SGK3: variants seen among roughly 807,000 people sequenced by gnomAD.
SGK3 encodes the protein serum/glucocorticoid regulated kinase family member 3, also known as serine/threonine-protein kinase Sgk3.
In SGK3, 47 loss-of-function variants were observed where a neutral mutation model predicts 68.5. That is an observed-to-expected ratio of 0.69 (90% confidence interval 0.54 to 0.87). SGK3 has a LOEUF of 0.87. Among genes scored for constraint, SGK3 ranks in the 40% least tolerant of loss-of-function variants. The pLI is 0.00. For synonymous variants in SGK3, 181 were observed against 189.1 expected, an observed-to-expected ratio of 0.96 and a Z score of 0.35; for missense variants, 479 against 575.5, an observed-to-expected ratio of 0.83 and a Z score of 1.72.
intron 8 of SGK3, among the ~76,000 whole-genome samples, chr8:66,833,668 T>C (rs1487129769): frequency 6.6e-6 from 1 of 152,206 alleles, no homozygotes; most frequent in African/African-American, 2.4e-5. Context: ...CTTTAATTTT[T>C]CCCAATACTA....
intron 1 of SGK3, among the ~76,000 whole-genome samples, chr8:66,787,476 G>T (rs563485326): frequency 3.1e-4 from 47 of 152,328 alleles, no homozygotes; most frequent in Non-Finnish European, 3.1e-4. Flanking sequence ...CCCCCTGTGG[G>T]ATGGTGGGAT....
At chr8:66,812,373 A>G (rs1414904808) in intron 4 of SGK3, among the ~76,000 whole-genome samples, 1 of 152,084 alleles carries the variant, frequency 6.6e-6, no homozygotes, top group Non-Finnish European at 1.5e-5. Context: ...CCTGGCTAAC[A>G]TGATGAAACC....
chr8:66,726,497 G>T (rs776600334), intron 1 of SGK3, among the ~76,000 whole-genome samples: 36 of 152,112 alleles, frequency 2.4e-4, no homozygotes, highest in Non-Finnish European at 4.4e-4. Flanking sequence ...GTGGTTAAAT[G>T]AGCTTGAAAA....
chr8:66,809,332 A>T (rs181897515), intron 4 of SGK3, among the ~76,000 whole-genome samples: 1 of 152,318 alleles, frequency 6.6e-6, no homozygotes, highest in African/African-American at 2.4e-5. Context: ...GTGATCCCAG[A>T]TCTGGGGCAG....
chr8:66,779,561 AATATAT>A (rs200618083), intron 1 of SGK3, among the ~76,000 whole-genome samples: 4,779 of 89,262 alleles, frequency 0.054, 115 homozygotes, highest in African/African-American at 0.08. Context: ...TATGTGTGTG[AATATAT>A]ATATATATAT....
chr8:66,777,570 C>T (rs1371027680), intron 1 of SGK3, among the ~76,000 whole-genome samples: 2 of 152,196 alleles, frequency 1.3e-5, no homozygotes, highest in African/African-American at 2.4e-5. Context: ...ATGCAAATAG[C>T]TACCACGTTA....
intron 15 of SGK3, among the ~76,000 whole-genome samples, chr8:66,850,422 C>T (rs1012787300): frequency 6.6e-6 from 1 of 152,200 alleles, no homozygotes. Flanking sequence ...GTATAAAGCT[C>T]TCTGCCCAAC....
At chr8:66,826,743 C>T (rs1174225378) in intron 6 of SGK3, among the ~76,000 whole-genome samples, 2 of 152,186 alleles carry the variant, frequency 1.3e-5, no homozygotes, top group Admixed American at 1.3e-4. Flanking sequence ...CTCATGAGTT[C>T]AAGGGATTTT....
chr8:66,833,999 G>T (rs1044156402), intron 8 of SGK3, among the ~76,000 whole-genome samples: 5 of 152,142 alleles, frequency 3.3e-5, no homozygotes, highest in Admixed American at 1.3e-4. Flanking sequence ...CCAGGTGTTT[G>T]GTTTTTTATG....
intron 6 of SGK3, among the ~76,000 whole-genome samples, chr8:66,826,940 C>A (rs1018545611): frequency 6.6e-6 from 1 of 151,956 alleles, no homozygotes; most frequent in Non-Finnish European, 1.5e-5. Flanking sequence ...CCACCACTCC[C>A]GTTCAGAAAC....
chr8:66,803,996 A>T (rs942748047), intron 3 of SGK3, among the ~76,000 whole-genome samples: 1 of 152,216 alleles, frequency 6.6e-6, no homozygotes, highest in Non-Finnish European at 1.5e-5. Flanking sequence ...AAGATAATAA[A>T]TGAGTAATAT....
intron 1 of SGK3, among the ~76,000 whole-genome samples, chr8:66,758,627 T>C (rs553244507): frequency 1.3e-5 from 2 of 152,260 alleles, no homozygotes; most frequent in East Asian, 3.9e-4. Flanking sequence ...TTTTCAAAAA[T>C]CTTGGCTAAG....
chr8:66,833,130 C>T (rs1431890426), intron 8 of SGK3, among the ~76,000 whole-genome samples: 4 of 152,020 alleles, frequency 2.6e-5, no homozygotes, highest in African/African-American at 4.8e-5. Flanking sequence ...CTCAGCCTTC[C>T]GAGTAGCTGG....
At chr8:66,770,181 C>T (rs1451272490) in intron 1 of SGK3, among the ~76,000 whole-genome samples, 3 of 151,390 alleles carry the variant, frequency 2.0e-5, no homozygotes, top group South Asian at 2.1e-4. Context: ...GTCTTGATCT[C>T]GTGACCTCGT....
At chr8:66,766,728 G>A (rs1009670132) in intron 1 of SGK3, among the ~76,000 whole-genome samples, 3 of 152,082 alleles carry the variant, frequency 2.0e-5, no homozygotes, top group Non-Finnish European at 4.4e-5. Context: ...TATTAGGTAC[G>A]TAAACATTTA....
At chr8:66,754,472 T>A (rs960255542) in intron 1 of SGK3, among the ~76,000 whole-genome samples, 2 of 152,142 alleles carry the variant, frequency 1.3e-5, no homozygotes, top group African/African-American at 4.8e-5. Context: ...AGGTTGAGTA[T>A]CTTTTATCCA....
intron 1 of SGK3, among the ~76,000 whole-genome samples, chr8:66,719,210 A>G (rs973019630): frequency 6.6e-6 from 1 of 151,906 alleles, no homozygotes; most frequent in Non-Finnish European, 1.5e-5. Flanking sequence ...ACCCTTCTAA[A>G]CTTTTTTCAT....
chr8:66,845,079 A>G (rs569737847), intron 14 of SGK3, among the ~76,000 whole-genome samples: 4 of 152,230 alleles, frequency 2.6e-5, no homozygotes, highest in Non-Finnish European at 5.9e-5. Flanking sequence ...ACATTTTATT[A>G]ATCAAACTTT....
chr8:66,858,571 A>C (rs1157160469), intron 16 of SGK3, among the ~76,000 whole-genome samples: 1 of 152,158 alleles, frequency 6.6e-6, no homozygotes, highest in Admixed American at 6.5e-5. Context: ...AAAGGGGATC[A>C]GTGACAAGCC....
Sources: gnomAD v4.1 joint callset for allele counts (sites outside exome capture counted in the v4.1 genomes callset) on GRCh38, gnomAD v4.1.1 for gene constraint, MANE v1.5 for transcripts, NCBI Gene and HGNC (gene_info 2026-07-23, HGNC 2026-07-21) for gene names.